The following APLP2 variants were observed in gnomAD, a reference collection of about 807,000 sequenced individuals.
APLP2 encodes CDEI box-binding protein.
In APLP2, 53 loss-of-function variants were observed where a neutral mutation model predicts 89.9. The observed-to-expected ratio is 0.59, with a 90% CI of 0.47 to 0.74. The LOEUF (loss-of-function observed/expected upper bound fraction) is 0.74. Ranked by LOEUF, APLP2 falls within the 30% of genes least tolerant of loss-of-function variation. APLP2 has a pLI of 0.00. For synonymous variants in APLP2, 372 were observed against 348.6 expected, an observed-to-expected ratio of 1.07 and a Z score of -0.75; for missense variants, 973 against 975.9, an observed-to-expected ratio of 1.00 and a Z score of 0.04.
At chr11:130,128,995 A>G in intron 9 of APLP2, 53 bp from the exon 10 acceptor site, 1 of 1,572,738 alleles carries the variant, frequency 6.4e-7, no homozygotes, top group Non-Finnish European at 8.6e-7. Context: ...GTGCTTGCTT[A>G]GGCTTCCTCT....
intron 1 of APLP2, among the ~76,000 whole-genome samples, chr11:130,093,452 G>T (rs1405620839): frequency 2.6e-5 from 4 of 152,212 alleles, no homozygotes; most frequent in African/African-American, 9.7e-5. Flanking sequence ...ATAACAAAGG[G>T]TTCTTGGAAA....
At chr11:130,091,718 G>T (rs1230886021) in intron 1 of APLP2, among the ~76,000 whole-genome samples, 6 of 142,448 alleles carry the variant, frequency 4.2e-5, no homozygotes, top group Non-Finnish European at 7.7e-5. Flanking sequence ...CCGGGCGGGG[G>T]GCTGACCCCC....
intron 1 of APLP2, among the ~76,000 whole-genome samples, chr11:130,073,072 T>A (rs1325930304): frequency 2.0e-5 from 3 of 152,202 alleles, no homozygotes; most frequent in Admixed American, 6.5e-5. Context: ...AATTTACTTT[T>A]AAACTGTACA....
chr11:130,079,193 G>T (rs1942705802), intron 1 of APLP2, among the ~76,000 whole-genome samples: 1 of 151,948 alleles, frequency 6.6e-6, no homozygotes, highest in Admixed American at 6.6e-5. Context: ...TTGTCTCCCG[G>T]GTTCAAGCGA....
intron 1 of APLP2, among the ~76,000 whole-genome samples, chr11:130,103,710 G>T (rs2135717579): frequency 6.6e-6 from 1 of 152,170 alleles, no homozygotes; most frequent in South Asian, 2.1e-4. Context: ...CTGTGGCTTG[G>T]GTGACCTCAT....
rs1423299326 is a variant in APLP2, at chr11:130,140,463, A to G, written c.1903A>G (p.Asn635Asp). Reference protein sequence around the residue: ...GAEEKVINSKNKVDENMVIDE... With the variant: ...GAEEKVINSKDKVDENMVIDE... ...CGAAGAGAAAGTGATTAACAGTAAGAATAAAGTGGATGAAAACATGGTGAG... is the reference window on the plus strand; with the variant it reads ...CGAAGAGAAAGTGATTAACAGTAAGGATAAAGTGGATGAAAACATGGTGAG... The change falls in exon 14 of 17, where the codon AAT (asparagine) becomes GAT (aspartate). Residue 635 changes from asparagine (N) to aspartate (D), a missense_variant. Coordinates refer to ENST00000338167, the MANE Select transcript of APLP2 (RefSeq NM_001142276.2). 2.5e-6 allele frequency: 4 copies of G among 1,611,326 alleles called. No homozygotes were observed. In the East Asian group the frequency reaches 6.7e-5, roughly 27 times the overall value.
rs934077768 is a variant in APLP2 at position 130,126,436 on chromosome 11, A to G, written c.1091-264A>G. Reference sequence around the variant, plus strand: ...AGAAACCACCTCTTTTTCAGCCCTGAGGTCTTAAGTAGATGCCTCACTGGT... The same window carrying G: ...AGAAACCACCTCTTTTTCAGCCCTGGGGTCTTAAGTAGATGCCTCACTGGT... On this transcript the variant is annotated intron_variant, in intron 7 of 16. Transcript: ENST00000338167. Among the ~76,000 whole-genome samples the G allele has an allele frequency of 2.6e-5, 4 of 152,170 alleles. No individual in the cohort carries two copies. In the East Asian group the frequency reaches 7.7e-4, roughly 29 times the overall value.
chr11:130,083,543 T>G (rs532064609), intron 1 of APLP2, among the ~76,000 whole-genome samples: 2 of 152,322 alleles, frequency 1.3e-5, no homozygotes, highest in South Asian at 4.1e-4. Context: ...TGAATTTGAT[T>G]ATGTTAGATA....
intron 3 of APLP2, among the ~76,000 whole-genome samples, chr11:130,113,447 C>T (rs11221971): frequency 0.097 from 14,794 of 152,126 alleles, 1,062 homozygotes; most frequent in African/African-American, 0.19. Flanking sequence ...TTACTTCAGA[C>T]GGTTATTCAT....
Position 130,143,993 on chromosome 11 carries a change from G to A in APLP2, c.*545G>A, listed in dbSNP as rs1952704824. ...CCACTGAAGCACGTGAGAGACCCTC[G>A]CAAAATGATGTGAAAGGACCAGTTT... On this transcript the variant is annotated 3_prime_UTR_variant, in exon 17 of 17. Coordinates refer to ENST00000338167, the MANE Select transcript of APLP2 (RefSeq NM_001142276.2). The A allele has an allele frequency of 6.5e-6, 1 of 152,934 alleles. No individual in the cohort carries two copies. The highest frequency in any genetic ancestry group is 1.5e-5 in the Non-Finnish European group (1 of 68,608). The allele number at this position is 152,934 out of a possible 1,614,324, so 9.5% of individuals were successfully genotyped here.
At chr11:130,134,145 G>A (rs768999988) in intron 12 of APLP2, among the ~76,000 whole-genome samples, 30 of 152,266 alleles carry the variant, frequency 2.0e-4, no homozygotes, top group Admixed American at 1.6e-3. Context: ...TGCTGCGTGC[G>A]TGTCACAGAG....
rs1219731565 is a variant in APLP2, at chr11:130,123,670, C to T, written c.981C>T (p.Tyr327=). ...GCCGGGCCGTGATGCCTCGTTGGTACTTCGACCTCTCCAAGGGAAAGTGCG... is the reference window on the plus strand; with the variant it reads ...GCCGGGCCGTGATGCCTCGTTGGTATTTCGACCTCTCCAAGGGAAAGTGCG... ...GPCRAVMPRW[Y]FDLSKGKCVR... The change falls in exon 7 of 17, where the codon TAC becomes TAT. Residue 327 remains tyrosine (Y), a synonymous_variant. Transcript: ENST00000338167. This position sits in a 1 kb window ranked among gnomAD's most constrained non-coding sequence, Gnocchi z 4.0. The T allele has an allele frequency of 1.9e-6, 3 of 1,614,174 alleles. No homozygotes were observed. In the Admixed American group the frequency reaches 5.0e-5, roughly 27 times the overall value.
At position 130,106,989 on chromosome 11, in the gene APLP2, G is replaced by A. The variant is rs114986119; in HGVS notation, c.106-2440G>A. Among the ~76,000 whole-genome samples, 1,477 of 152,222 alleles carry A rather than the reference G, an allele frequency of 9.7e-3. 28 individuals are homozygous for A. Among genetic ancestry groups the A allele is most frequent in the African/African-American group, 0.033 (1,378 of 41,530 alleles). ...GGTGTGAGCCACCGCGCCCGGCCCAGATTCCTTTTTTATGTGCTTTCTCAA... is the reference window on the plus strand; with the variant it reads ...GGTGTGAGCCACCGCGCCCGGCCCAAATTCCTTTTTTATGTGCTTTCTCAA... On this transcript the variant is annotated intron_variant, in intron 1 of 16. Transcript: ENST00000338167.
At chr11:130,083,376 A>T (rs1205301656) in intron 1 of APLP2, among the ~76,000 whole-genome samples, 3 of 136,740 alleles carry the variant, frequency 2.2e-5, no homozygotes, top group African/African-American at 3.4e-5. Flanking sequence ...TTAACATGAG[A>T]TCTAAATTTT....
At chr11:130,102,284 T>G (rs762829803) in intron 1 of APLP2, among the ~76,000 whole-genome samples, 2 of 152,216 alleles carry the variant, frequency 1.3e-5, no homozygotes, top group Non-Finnish European at 2.9e-5. Context: ...AAAAAAGGTT[T>G]TTGAACAAGA....
intron 1 of APLP2, chr11:130,082,711 T>C (rs1021073200): frequency 4.6e-6 from 1 of 215,284 alleles, no homozygotes; most frequent in South Asian, 6.1e-5. Flanking sequence ...CCACTGCAGG[T>C]GTTGGTGCAT....
At chr11:130,071,215 C>T (rs769646118) in intron 1 of APLP2, among the ~76,000 whole-genome samples, 1 of 151,920 alleles carries the variant, frequency 6.6e-6, no homozygotes, top group African/African-American at 2.4e-5. Context: ...CTTTTAAAGA[C>T]CTCAGGTTTA....
intron 1 of APLP2, among the ~76,000 whole-genome samples, chr11:130,104,703 C>CT (rs1320037091): frequency 9.9e-5 from 15 of 152,228 alleles, no homozygotes; most frequent in South Asian, 6.2e-4. Context: ...TCATATTAGT[C>CT]TGTAGCTTCA....
chr11:130,086,309 T>A (rs1236776202), intron 1 of APLP2, among the ~76,000 whole-genome samples: 2 of 152,270 alleles, frequency 1.3e-5, no homozygotes, highest in African/African-American at 2.4e-5. Flanking sequence ...TCTTTTCATG[T>A]TGACCATTTT....
Sources: gnomAD v4.1 joint callset for allele counts (sites outside exome capture counted in the v4.1 genomes callset) on GRCh38, gnomAD v4.1.1 for gene constraint, Gnocchi (gnomAD v3.1) non-coding constraint, MANE v1.5 for transcripts, NCBI Gene and HGNC (gene_info 2026-07-23, HGNC 2026-07-21) for gene names.